CNTN6: variants seen among roughly 807,000 people sequenced by gnomAD.
CNTN6 encodes the protein contactin 6.
CNTN6 carries 137 observed loss-of-function variants against 122.8 expected under a neutral mutation model. That is an observed-to-expected ratio of 1.12 (90% CI 0.97 to 1.29). The LOEUF (loss-of-function observed/expected upper bound fraction) is 1.29, where lower values mean the gene tolerates loss of function less well. CNTN6 is among the 50% of genes most tolerant of loss of function. The pLI is 0.00. For missense variants in CNTN6, 1,634 were observed against 1,223.4 expected, an observed-to-expected ratio of 1.34 and a Z score of -5.01; for synonymous variants, 570 against 426.0, an observed-to-expected ratio of 1.34 and a Z score of -4.16.
At chr3:1,307,227 C>A (rs1698503711) in intron 7 of CNTN6, among the ~76,000 whole-genome samples, 2 of 152,134 alleles carry the variant, frequency 1.3e-5, no homozygotes, top group African/African-American at 4.8e-5. Context: ...ACTTTGGGAG[C>A]TTTACTGATT....
intron 2 of CNTN6, among the ~76,000 whole-genome samples, chr3:1,210,877 G>C (rs2094026995): frequency 6.6e-6 from 1 of 152,174 alleles, no homozygotes; most frequent in Non-Finnish European, 1.5e-5. Flanking sequence ...GATCTGGAAT[G>C]ATGTTTTTTA....
chr3:1,333,336 TCAAA>T (rs1230625906), intron 11 of CNTN6, among the ~76,000 whole-genome samples: 3 of 152,022 alleles, frequency 2.0e-5, no homozygotes, highest in African/African-American at 7.2e-5. Flanking sequence ...GATCCTAAAC[TCAAA>T]CACAGAACGC....
chr3:1,135,292 T>C (rs1188402622), intron 1 of CNTN6, among the ~76,000 whole-genome samples: 1 of 152,104 alleles, frequency 6.6e-6, no homozygotes, highest in Non-Finnish European at 1.5e-5. Context: ...AACCACATTT[T>C]CCTCCCAAGG....
chr3:1,135,402 G>C (rs975200737), intron 1 of CNTN6, among the ~76,000 whole-genome samples: 2 of 152,078 alleles, frequency 1.3e-5, no homozygotes, highest in African/African-American at 2.4e-5. Context: ...CCAGGGGCTG[G>C]GTGGGGACCG....
At chr3:1,106,986 A>G (rs2091256544) in intron 1 of CNTN6, among the ~76,000 whole-genome samples, 1 of 152,118 alleles carries the variant, frequency 6.6e-6, no homozygotes, top group Non-Finnish European at 1.5e-5. Flanking sequence ...CTATCTCTCT[A>G]AATATATGAA....
intron 19 of CNTN6, among the ~76,000 whole-genome samples, chr3:1,384,411 A>AG (rs1692430999): frequency 7.0e-6 from 1 of 142,114 alleles, no homozygotes; most frequent in African/African-American, 3.1e-5. Context: ...ATCATCTCAG[A>AG]AAAGGCAGTT....
chr3:1,284,828 A>G (rs1694067921), intron 5 of CNTN6, among the ~76,000 whole-genome samples: 1 of 152,234 alleles, frequency 6.6e-6, no homozygotes, highest in South Asian at 2.1e-4. Context: ...TGGAGGAAAT[A>G]GCATGTCAAA....
intron 1 of CNTN6, among the ~76,000 whole-genome samples, chr3:1,118,300 A>G (rs1047659092): frequency 2.6e-5 from 4 of 152,214 alleles, no homozygotes; most frequent in African/African-American, 9.6e-5. Flanking sequence ...AGGGAAAGAT[A>G]GTGCTCTGAA....
intron 2 of CNTN6, among the ~76,000 whole-genome samples, chr3:1,213,897 T>C (rs756464862): frequency 6.6e-6 from 1 of 152,120 alleles, no homozygotes; most frequent in Non-Finnish European, 1.5e-5. Flanking sequence ...GTGCCTTTGT[T>C]TGTAAATACA....
intron 4 of CNTN6, among the ~76,000 whole-genome samples, chr3:1,249,855 A>T (rs1283282921): frequency 2.0e-4 from 31 of 152,234 alleles, no homozygotes. Flanking sequence ...ATCAAATATA[A>T]ACAACTGTGC....
chr3:1,272,376 G>C (rs772467057), intron 4 of CNTN6, among the ~76,000 whole-genome samples: 4 of 152,184 alleles, frequency 2.6e-5, no homozygotes, highest in Non-Finnish European at 4.4e-5. Context: ...CAATGGTACA[G>C]GTGATTGTGA....
At chr3:1,347,619 G>C (rs935436164) in intron 11 of CNTN6, among the ~76,000 whole-genome samples, 1 of 152,084 alleles carries the variant, frequency 6.6e-6, no homozygotes, top group Non-Finnish European at 1.5e-5. Context: ...TTAGGCATGA[G>C]CAACAAACAG....
intron 7 of CNTN6, among the ~76,000 whole-genome samples, chr3:1,302,945 T>TTAA (rs112102551): frequency 2.0e-5 from 3 of 151,340 alleles, no homozygotes; most frequent in South Asian, 4.2e-4. Context: ...TTTTAAAATT[T>TTAA]TTATTTTTAT....
At chr3:1,337,852 G>A (rs1703288362) in intron 11 of CNTN6, among the ~76,000 whole-genome samples, 1 of 152,088 alleles carries the variant, frequency 6.6e-6, no homozygotes, top group Admixed American at 6.6e-5. Flanking sequence ...AAAATCCTGT[G>A]TGTGCCCCTG....
At chr3:1,403,005 A>G (rs1421691229) in intron 22 of CNTN6, among the ~76,000 whole-genome samples, 2 of 152,146 alleles carry the variant, frequency 1.3e-5, no homozygotes, top group Admixed American at 1.3e-4. Context: ...TTTTTGCATT[A>G]GAAAAATCAC....
At chr3:1,388,650 A>AGTT (rs1693580050) in intron 20 of CNTN6, among the ~76,000 whole-genome samples, 1 of 146,436 alleles carries the variant, frequency 6.8e-6, no homozygotes, top group Admixed American at 6.8e-5. Context: ...AAGGCAAAGA[A>AGTT]GTTGAAAACT....
In CNTN6 at chr3:1,136,732, G is replaced by A. The variant is rs897966991; in HGVS notation, c.-82-11195G>A. Among the ~76,000 whole-genome samples the A allele has an allele frequency of 3.9e-5, 6 of 152,058 alleles. No individual in the cohort carries two copies. The East Asian group carries it at 5.8e-4, about 15-fold the overall frequency. Reference sequence around the variant, plus strand: ...GCAAAATCTCCCAGAGTAAGCTTTCGGCAAAATTGTAAAGTCTGTAAGATT... The same window carrying A: ...GCAAAATCTCCCAGAGTAAGCTTTCAGCAAAATTGTAAAGTCTGTAAGATT... On this transcript the variant is annotated intron_variant, in intron 1 of 22. Coordinates refer to ENST00000446702, the MANE Select transcript of CNTN6 (RefSeq NM_001289080.2).
At chr3:1,125,671 A>ATG (rs2092134160) in intron 1 of CNTN6, among the ~76,000 whole-genome samples, 1 of 151,658 alleles carries the variant, frequency 6.6e-6, no homozygotes, top group Non-Finnish European at 1.5e-5. Flanking sequence ...TACTAGATGC[A>ATG]CCAAGTTTTA....
intron 1 of CNTN6, among the ~76,000 whole-genome samples, chr3:1,111,118 C>T (rs1304374620): frequency 2.6e-5 from 4 of 152,146 alleles, no homozygotes; most frequent in Non-Finnish European, 4.4e-5. Flanking sequence ...CAATGTCTGA[C>T]ATACAGCAAC....
Sources: gnomAD v4.1 joint callset for allele counts (sites outside exome capture counted in the v4.1 genomes callset) on GRCh38, gnomAD v4.1.1 for gene constraint, MANE v1.5 for transcripts, NCBI Gene and HGNC (gene_info 2026-07-23, HGNC 2026-07-21) for gene names.